Variants in COL14A1 observed in about 807,000 individuals in gnomAD.
COL14A1 encodes the protein collagen alpha-1(XIV) chain.
Under a neutral mutation model 230.3 loss-of-function variants are expected in COL14A1, and 136 were observed. The observed-to-expected ratio is 0.59, with a 90% CI of 0.51 to 0.68. The LOEUF (loss-of-function observed/expected upper bound fraction) is 0.68. Among genes scored for constraint, COL14A1 ranks in the 30% least tolerant of loss-of-function variants. The pLI is 0.00. For missense variants in COL14A1, 1,976 were observed against 2,215.8 expected, an observed-to-expected ratio of 0.89 and a Z score of 2.17; for synonymous variants, 792 against 784.1, an observed-to-expected ratio of 1.01 and a Z score of -0.17.
At chr8:120,354,449 A>G (rs1044255110) in intron 45 of COL14A1, among the ~76,000 whole-genome samples, 1 of 151,856 alleles carries the variant, frequency 6.6e-6, no homozygotes, top group Non-Finnish European at 1.5e-5. Context: ...GATTAACCCC[A>G]TCTTTGTCAG....
Position 120,298,597 on chromosome 8 carries a change from TTATATATATATATATATATATATATATA to T in COL14A1, c.4314+1024_4314+1051del, listed in dbSNP as rs59846403. On this transcript the variant is annotated intron_variant, in intron 35 of 47. Coordinates refer to ENST00000297848, the MANE Select transcript of COL14A1 (RefSeq NM_021110.4). The stretch of plus-strand genomic sequence containing the variant: ...TGGGATGTGTGTATACCCATATATT[TTATATATATATATATATATATATATATA>T]TATATATATATATACAAAAATACAG... Among the ~76,000 whole-genome samples the T allele has an allele frequency of 3.4e-3, 200 of 57,988 alleles. 6 individuals carry two copies. The highest frequency in any genetic ancestry group is 0.012 in the African/African-American group (169 of 14,386). The allele number at this position is 57,988 out of a possible 152,430, so 38.0% of individuals were successfully genotyped here.
intron 2 of COL14A1, among the ~76,000 whole-genome samples, chr8:120,151,105 A>C (rs1586718822): frequency 6.6e-6 from 1 of 152,150 alleles, no homozygotes; most frequent in Non-Finnish European, 1.5e-5. Context: ...ACGCTGGGGG[A>C]AACCTCAATA....
At chr8:120,366,332 T>G (rs1823404652) in intron 45 of COL14A1, among the ~76,000 whole-genome samples, 1 of 152,318 alleles carries the variant, frequency 6.6e-6, no homozygotes, top group African/African-American at 2.4e-5. Context: ...AATTTCTCAG[T>G]AGGTATAATT....
chr8:120,326,854 T>C (rs1821687403), intron 40 of COL14A1, among the ~76,000 whole-genome samples: 1 of 152,026 alleles, frequency 6.6e-6, no homozygotes, highest in Non-Finnish European at 1.5e-5. Flanking sequence ...GGCGAAATCC[T>C]GTCTCTACAA....
At chr8:120,244,067 C>G (rs1818694229) in intron 20 of COL14A1, 59 bp downstream of exon 20, 2 of 1,566,436 alleles carry the variant, frequency 1.3e-6, no homozygotes, top group Admixed American at 1.8e-5. Flanking sequence ...AATGCTTGTC[C>G]CCTGTAATGC....
chr8:120,209,847 T>C lies in COL14A1; in HGVS notation c.1413T>C (p.Gly471=). ...VKWDAVPGAS[G]YLILYAPLTE... ...GGGATGCAGTGCCTGGGGCCTCAGG[T>C]TACCTGATCCTTTATGCTCCTCTAA... The change falls in exon 12 of 48, where the codon GGT becomes GGC. Residue 471 remains glycine, a synonymous_variant. Transcript: ENST00000297848. The C allele has an allele frequency of 1.2e-6, 2 of 1,613,808 alleles. No homozygotes were observed. Among genetic ancestry groups the C allele is most frequent in the Non-Finnish European group, 1.7e-6 (2 of 1,179,846 alleles).
chr8:120,132,590 A>C (rs1257902220), intron 1 of COL14A1, among the ~76,000 whole-genome samples: 2 of 151,776 alleles, frequency 1.3e-5, no homozygotes, highest in Non-Finnish European at 2.9e-5. Flanking sequence ...TTCTGTGAAA[A>C]ATGATGTAGG....
intron 1 of COL14A1, among the ~76,000 whole-genome samples, chr8:120,127,823 T>C (rs1814393913): frequency 6.6e-6 from 1 of 152,202 alleles, no homozygotes; most frequent in African/African-American, 2.4e-5. Flanking sequence ...TCCTGGCCTG[T>C]CTAGTGTAAC....
chr8:120,268,394 C>G (rs1379262969), intron 25 of COL14A1, among the ~76,000 whole-genome samples: 1 of 151,686 alleles, frequency 6.6e-6, no homozygotes, highest in Middle Eastern at 3.4e-3. Context: ...ACAGAATGCT[C>G]TGTAATATCT....
intron 8 of COL14A1, among the ~76,000 whole-genome samples, chr8:120,202,809 A>C (rs1337248442): frequency 2.6e-5 from 4 of 151,732 alleles, no homozygotes; most frequent in Non-Finnish European, 5.9e-5. Flanking sequence ...TGTATTCCAG[A>C]CACCCAACTT....
intron 47 of COL14A1, 27 bp downstream of exon 47, chr8:120,369,512 T>C: frequency 5.3e-6 from 8 of 1,518,142 alleles, no homozygotes; most frequent in Non-Finnish European, 7.1e-6. Context: ...GCCCCGCTTG[T>C]GGGCTTTGAT....
At chr8:120,167,630 T>C (rs1412405906) in intron 4 of COL14A1, among the ~76,000 whole-genome samples, 1 of 152,246 alleles carries the variant, frequency 6.6e-6, no homozygotes, top group Non-Finnish European at 1.5e-5. Flanking sequence ...CATGTATTAA[T>C]AGAGACCTTT....
chr8:120,277,269 G>A (rs1225870695), intron 26 of COL14A1, among the ~76,000 whole-genome samples: 1 of 152,078 alleles, frequency 6.6e-6, no homozygotes, highest in Non-Finnish European at 1.5e-5. Flanking sequence ...TGTAAAGTGA[G>A]TAGAATAGTA....
chr8:120,218,734 G>A (rs1218272154), intron 14 of COL14A1, among the ~76,000 whole-genome samples: 1 of 152,212 alleles, frequency 6.6e-6, no homozygotes, highest in African/African-American at 2.4e-5. Context: ...TCAATGACAA[G>A]GATACTAGGG....
chr8:120,201,690 C>A (rs922390756), intron 8 of COL14A1, among the ~76,000 whole-genome samples: 6 of 152,118 alleles, frequency 3.9e-5, no homozygotes, highest in Non-Finnish European at 8.8e-5. Flanking sequence ...ACTTTAGACC[C>A]TGTCCTAGAT....
chr8:120,231,651 C>T, intron 19 of COL14A1, 33 bp downstream of exon 19: 1 of 1,602,258 alleles, frequency 6.2e-7, no homozygotes, highest in Non-Finnish European at 8.5e-7. Flanking sequence ...AGAAACTCTG[C>T]AGATGTTACT....
intron 5 of COL14A1, among the ~76,000 whole-genome samples, chr8:120,173,279 G>A (rs979352821): frequency 6.6e-5 from 10 of 151,960 alleles, no homozygotes; most frequent in Non-Finnish European, 1.5e-4. Context: ...TTTGCTAGGC[G>A]GGAACTATTT....
intron 44 of COL14A1, among the ~76,000 whole-genome samples, chr8:120,344,716 ACTC>A (rs1396632324): frequency 6.6e-6 from 1 of 152,158 alleles, no homozygotes; most frequent in Non-Finnish European, 1.5e-5. Flanking sequence ...TGTTGGGAAA[ACTC>A]CTCTCCTAAT....
chr8:120,284,113 T>C (rs188526218), intron 32 of COL14A1, among the ~76,000 whole-genome samples: 1 of 152,284 alleles, frequency 6.6e-6, no homozygotes, highest in African/African-American at 2.4e-5. Context: ...CCACAGTTCA[T>C]TTTTTGGACA....
Sources: allele counts gnomAD v4.1 joint callset (sites outside exome capture counted in the v4.1 genomes callset), GRCh38; gene constraint gnomAD v4.1.1; transcripts MANE v1.5; gene names NCBI Gene and HGNC (gene_info 2026-07-23, HGNC 2026-07-21).